Variants in CDH10 observed in about 807,000 individuals in gnomAD.
CDH10 encodes cadherin 10.
CDH10 carries 30 observed loss-of-function variants against 73.1 expected under a neutral mutation model. The ratio of observed to expected loss-of-function variants is 0.41; its 90% CI spans 0.31 to 0.56. The LOEUF is 0.56. Among genes scored for constraint, CDH10 ranks in the 20% least tolerant of loss-of-function variants. The pLI, the probability that CDH10 is intolerant of heterozygous loss-of-function variation, is 0.27. For missense variants in CDH10, 815 were observed against 973.7 expected, an observed-to-expected ratio of 0.84 and a Z score of 2.17; for synonymous variants, 345 against 348.2, an observed-to-expected ratio of 0.99 and a Z score of 0.10.
rs1261325788 is a variant in CDH10, at chr5:24,487,848, G to A, written c.2182C>T (p.Pro728Ser). ...TAGGTTGCAAGTGAGTCGTAGGGGG[G>A]TGCGGTGGGGTCAAGATCATGCTCT... ...LKEHDLDPTAPPYDSLATYAY... is the reference protein window; with the variant it reads ...LKEHDLDPTASPYDSLATYAY... The change falls in exon 12 of 12, where the codon CCC becomes TCC. Residue 728 changes from proline to serine, a missense_variant. By Grantham distance (74) the Pro-to-Ser change is moderately conservative. This residue lies in a region of CDH10 where 241 missense variants were observed against 240.3 expected (regional missense o/e 1.00). Transcript: ENST00000264463. The A allele has an allele frequency of 6.2e-7, 1 of 1,613,858 alleles. No homozygotes were observed. Among genetic ancestry groups the A allele is most frequent in the Non-Finnish European group, 8.5e-7 (1 of 1,179,878 alleles).
At chr5:24,629,121 T>C (rs1747614577) in intron 1 of CDH10, among the ~76,000 whole-genome samples, 1 of 152,106 alleles carries the variant, frequency 6.6e-6, no homozygotes. Flanking sequence ...AAGAATCAGT[T>C]TAACAAAAAT....
intron 1 of CDH10, among the ~76,000 whole-genome samples, chr5:24,625,592 A>AAT (rs1486867418): frequency 6.8e-6 from 1 of 147,436 alleles, no homozygotes; most frequent in African/African-American, 2.5e-5. Flanking sequence ...CATATATATG[A>AAT]ATATATATGT....
chr5:24,604,185 CA>C (rs1279623488), intron 1 of CDH10, among the ~76,000 whole-genome samples: 1 of 151,852 alleles, frequency 6.6e-6, no homozygotes, highest in Non-Finnish European at 1.5e-5. Context: ...CCCATATCTA[CA>C]AAAAAATTTA....
At position 24,535,639 on chromosome 5, in the gene CDH10, T is replaced by C. The variant is rs900176999; in HGVS notation, c.646+64A>G. ...AGGTTTTGTTCTTATTCTCCCATGGTCTTTCTACTGATAAAGGTCATAAAG... is the reference window on the plus strand; with the variant it reads ...AGGTTTTGTTCTTATTCTCCCATGGCCTTTCTACTGATAAAGGTCATAAAG... On this transcript the variant is annotated intron_variant, in intron 4 of 11. Transcript: ENST00000264463. 2.8e-6 allele frequency: 4 copies of C among 1,446,762 alleles called. No individual in the cohort carries two copies. The African/African-American group carries it at 5.7e-5, about 21-fold the overall frequency. The allele number at this position is 1,446,762 out of a possible 1,614,324, so 89.6% of individuals were successfully genotyped here.
At chr5:24,508,916 T>G (rs16893467) in intron 7 of CDH10, among the ~76,000 whole-genome samples, 10 of 151,970 alleles carry the variant, frequency 6.6e-5, no homozygotes, top group Non-Finnish European at 1.3e-4. Context: ...AAACGCAGAG[T>G]TGACATAGCA....
At chr5:24,615,166 A>G (rs184117228) in intron 1 of CDH10, among the ~76,000 whole-genome samples, 3 of 152,282 alleles carry the variant, frequency 2.0e-5, no homozygotes, top group Admixed American at 6.5e-5. Flanking sequence ...CATCTGGCAC[A>G]ATAGCCTCCA....
At chr5:24,509,296 A>G (rs1742809851) in intron 7 of CDH10, among the ~76,000 whole-genome samples, 1 of 102,248 alleles carries the variant, frequency 9.8e-6, no homozygotes, top group Non-Finnish European at 2.1e-5. Context: ...CTGGAATGCA[A>G]TGGCACGATC....
intron 1 of CDH10, among the ~76,000 whole-genome samples, chr5:24,609,488 A>G (rs1015328493): frequency 1.2e-4 from 18 of 152,192 alleles, no homozygotes; most frequent in Non-Finnish European, 2.4e-4. Context: ...GAGGGAGGAA[A>G]AGACAAGAAA....
At chr5:24,635,722 A>T (rs1365877340) in intron 1 of CDH10, among the ~76,000 whole-genome samples, 1 of 151,956 alleles carries the variant, frequency 6.6e-6, no homozygotes, top group Admixed American at 6.6e-5. Flanking sequence ...CATTTTCACA[A>T]TCATTAGAGA....
At chr5:24,591,230 T>C (rs1010392606) in intron 2 of CDH10, among the ~76,000 whole-genome samples, 3 of 151,984 alleles carry the variant, frequency 2.0e-5, no homozygotes, top group Non-Finnish European at 2.9e-5. Context: ...AATAGTATAG[T>C]ATAGACAAAA....
intron 8 of CDH10, chr5:24,499,494 T>G (rs957574994): frequency 6.6e-6 from 1 of 152,502 alleles, no homozygotes. Flanking sequence ...GAGACCAGCC[T>G]GGCCAACATG....
chr5:24,636,516 A>C (rs1747873517), intron 1 of CDH10, among the ~76,000 whole-genome samples: 1 of 151,934 alleles, frequency 6.6e-6, no homozygotes, highest in Non-Finnish European at 1.5e-5. Context: ...ACAGTGACCA[A>C]GTTTTAAACA....
intron 1 of CDH10, among the ~76,000 whole-genome samples, chr5:24,613,537 A>AT (rs2112150064): frequency 6.6e-6 from 1 of 151,470 alleles, no homozygotes; most frequent in African/African-American, 2.4e-5. Context: ...AAAAAAAAAA[A>AT]AAAAGGAAAT....
chr5:24,525,801 TTA>T (rs1327404119), intron 5 of CDH10, among the ~76,000 whole-genome samples: 3 of 152,072 alleles, frequency 2.0e-5, no homozygotes, highest in Non-Finnish European at 4.4e-5. Flanking sequence ...GTACCATGTC[TTA>T]GTTTCCTGTT....
At chr5:24,600,193 T>C (rs530599106) in intron 1 of CDH10, among the ~76,000 whole-genome samples, 4 of 152,320 alleles carry the variant, frequency 2.6e-5, no homozygotes, top group African/African-American at 7.2e-5. Context: ...TCCCAAAATA[T>C]AGAATATAGA....
At chr5:24,621,496 G>A in intron 1 of CDH10, among the ~76,000 whole-genome samples, 1 of 152,116 alleles carries the variant, frequency 6.6e-6, no homozygotes, top group Non-Finnish European at 1.5e-5. Flanking sequence ...TCACTGAGAG[G>A]ATATCAACAA....
At chr5:24,515,163 T>TTATGTGCTA (rs1743061893) in intron 5 of CDH10, among the ~76,000 whole-genome samples, 1 of 152,156 alleles carries the variant, frequency 6.6e-6, no homozygotes, top group Non-Finnish European at 1.5e-5. Flanking sequence ...TTACCAACAC[T>TTATGTGCTA]TATGTGCTAA....
In CDH10 at chr5:24,515,833, G is replaced by A. The variant is rs1407056608; in HGVS notation, c.815-4319C>T. ...TGGGAGGTAATTGGATCATGGGAGC[G>A]GGTCTTTCCAATCCTGTTCTGGTGA... On this transcript the variant is annotated intron_variant, in intron 5 of 11. Transcript: ENST00000264463. Among the ~76,000 whole-genome samples the A allele has an allele frequency of 3.9e-5, 6 of 152,222 alleles. 1 individual carries two copies. In the South Asian group the frequency reaches 1.0e-3, roughly 26 times the overall value.
At chr5:24,490,183 T>G (rs1741997920) in intron 11 of CDH10, among the ~76,000 whole-genome samples, 1 of 152,106 alleles carries the variant, frequency 6.6e-6, no homozygotes, top group Non-Finnish European at 1.5e-5. Context: ...GAACAAGTTT[T>G]CTATATGATT....
Sources: allele counts gnomAD v4.1 joint callset (sites outside exome capture counted in the v4.1 genomes callset), GRCh38; gene constraint gnomAD v4.1.1; regional missense constraint gnomAD v4.1.1; transcripts MANE v1.5; gene names NCBI Gene and HGNC (gene_info 2026-07-23, HGNC 2026-07-21).